The following ZFP64 variants were observed in gnomAD, a reference collection of about 807,000 sequenced individuals.
ZFP64 encodes the protein zinc finger protein 64.
Under a neutral mutation model 51.6 loss-of-function variants are expected in ZFP64, and 14 were observed. The ratio of observed to expected loss-of-function variants is 0.27; its 90% confidence interval spans 0.18 to 0.42. The LOEUF (loss-of-function observed/expected upper bound fraction) is 0.42, where lower values mean the gene tolerates loss of function less well. ZFP64 is among the 10% of genes least tolerant of loss of function. The pLI, the probability that ZFP64 is intolerant of heterozygous loss-of-function variation, is 1.00. For synonymous variants in ZFP64, 375 were observed against 361.4 expected (o/e 1.04, Z -0.43); for missense variants, 754 against 906.8 (o/e 0.83, Z 2.16).
intron 5 of ZFP64, chr20:52,104,720 C>T: frequency 2.1e-6 from 1 of 486,176 alleles, no homozygotes; most frequent in South Asian, 1.5e-5. Context: ...TGAGGCCTTC[C>T]CTGGACAACG....
At position 52,087,481 on chromosome 20, in the gene ZFP64, T is replaced by C. The variant is rs142264295; in HGVS notation, c.1228+911A>G. On this transcript the variant is annotated intron_variant, in intron 8 of 8. Transcript: ENST00000361387. ...TGGATGCAACATTTCTGCCAGTGGG[T>C]AGACACCAATTAGAATGTGAAAATT... Among the ~76,000 whole-genome samples the C allele has an allele frequency of 5.5e-3, 835 of 152,368 alleles. 8 individuals carry two copies. The highest frequency in any genetic ancestry group is 0.019 in the African/African-American group (789 of 41,582).
chr20:52,157,526 G>C (rs1981414530), intron 5 of ZFP64, among the ~76,000 whole-genome samples: 1 of 152,148 alleles, frequency 6.6e-6, no homozygotes, highest in African/African-American at 2.4e-5. Context: ...CCAATGGGCA[G>C]GGTTAAGAAC....
chr20:52,147,737 G>C (rs887875716), downstream of ZFP64, among the ~76,000 whole-genome samples: 2 of 152,016 alleles, frequency 1.3e-5, no homozygotes, highest in African/African-American at 4.8e-5. Flanking sequence ...ACACAGGACC[G>C]GGCACCGTGG....
chr20:52,142,424 C>G (rs557478741), intron 5 of ZFP64, among the ~76,000 whole-genome samples: 1 of 106,948 alleles, frequency 9.4e-6, no homozygotes, highest in Non-Finnish European at 2.0e-5. Context: ...ACACAAATTG[C>G]TTAATGGGTA....
chr20:52,174,275 C>T (rs1052901566), intron 2 of ZFP64, among the ~76,000 whole-genome samples: 3 of 150,908 alleles, frequency 2.0e-5, no homozygotes, highest in African/African-American at 2.5e-5. Flanking sequence ...CACCTGAGGT[C>T]GGGAGTTCGA....
intron 2 of ZFP64, among the ~76,000 whole-genome samples, chr20:52,170,820 G>C (rs772254645): frequency 8.5e-5 from 13 of 152,188 alleles, no homozygotes; most frequent in Non-Finnish European, 1.3e-4. Context: ...GTGACTCAGA[G>C]ACAAAAATCC....
chr20:52,144,601 A>AAAAAAAAAAAAAAAAAAAAAG (rs1980430806), intron 5 of ZFP64, among the ~76,000 whole-genome samples: 1 of 148,788 alleles, frequency 6.7e-6, no homozygotes, highest in Non-Finnish European at 1.5e-5. Flanking sequence ...AAAAAAAAAA[A>AAAAAAAAAAAAAAAAAAAAAG]ATGCTGAAAG....
chr20:52,124,975 G>A (rs891048793), intron 5 of ZFP64, among the ~76,000 whole-genome samples: 8 of 152,138 alleles, frequency 5.3e-5, no homozygotes, highest in African/African-American at 1.9e-4. Context: ...ACATGCAGCT[G>A]TCAGAGGGAA....
At chr20:52,091,559 C>G (rs1308243104) in intron 7 of ZFP64, among the ~76,000 whole-genome samples, 1 of 152,104 alleles carries the variant, frequency 6.6e-6, no homozygotes, top group East Asian at 1.9e-4. Flanking sequence ...AAAAGTCAAA[C>G]TTTTATGAGT....
At chr20:52,188,308 C>CTTTTTTTTTTT (rs1164512289) in intron 1 of ZFP64, among the ~76,000 whole-genome samples, 98 of 104,224 alleles carry the variant, frequency 9.4e-4, no homozygotes, top group Non-Finnish European at 1.4e-3. Context: ...CTTTTTCTTT[C>CTTTTTTTTTTT]TTTTTTTTTT....
At chr20:52,090,167 C>G (rs1291538456) in intron 7 of ZFP64, among the ~76,000 whole-genome samples, 1 of 152,112 alleles carries the variant, frequency 6.6e-6, no homozygotes, top group Non-Finnish European at 1.5e-5. Context: ...CAGGGTGGTC[C>G]AATTTCAGAA....
intron 5 of ZFP64, among the ~76,000 whole-genome samples, chr20:52,101,443 C>T (rs76287132): frequency 0.012 from 1,787 of 152,298 alleles, 19 homozygotes; most frequent in Middle Eastern, 0.031. Flanking sequence ...CAACATGGCT[C>T]ACTGCAAACT....
chr20:52,093,821 G>A (rs1041753926), intron 7 of ZFP64, among the ~76,000 whole-genome samples: 1 of 152,188 alleles, frequency 6.6e-6, no homozygotes, highest in Non-Finnish European at 1.5e-5. Flanking sequence ...GGTCTACGGT[G>A]CAGCTTGGGT....
chr20:52,093,169 C>T (rs1007415333), intron 7 of ZFP64, among the ~76,000 whole-genome samples: 1 of 151,986 alleles, frequency 6.6e-6, no homozygotes, highest in East Asian at 1.9e-4. Context: ...TAGACAGAGC[C>T]TCACTCTGTC....
rs1978541953 is a variant in ZFP64, at chr20:52,111,083, G to A, written c.764-12496C>T. 3 of 1,062,328 alleles carry A rather than the reference G, an allele frequency of 2.8e-6. 1 individual carries two copies. The South Asian group carries it at 4.0e-5, about 14-fold the overall frequency. The allele number at this position is 1,062,328 out of a possible 1,614,324, so 65.8% of individuals were successfully genotyped here. On this transcript the variant is annotated intron_variant, in intron 5 of 8. Transcript: ENST00000361387. ...GAGAGGAGCAGGAAGCCCAGGAGAA[G>A]GGGAAGCGGCAGGGAGAGAGACGCG...
At position 52,153,285 on chromosome 20, in the gene ZFP64, T is replaced by G. The variant is rs748679636; in HGVS notation, c.907A>C (p.Lys303Gln). 1 of 1,614,190 alleles carries G rather than the reference T, an allele frequency of 6.2e-7. No individual in the cohort carries two copies. The highest frequency in any genetic ancestry group is 1.1e-5 in the South Asian group (1 of 91,088). ...CTGTGCTTGATACGGATGTGCGACT[T>G]GAGGTTCCCCTTCATGGTGCAGCGG... Reference protein sequence around the residue: ...NVRCTMKGNLKSHIRIKHSGN... With the variant: ...NVRCTMKGNLQSHIRIKHSGN... The change falls in exon 6 of 6, where the codon AAG (lysine) becomes CAG (glutamine). Residue 303 changes from lysine to glutamine, a missense_variant. Lys to Gln is a moderately conservative substitution (Grantham distance 53). Transcript: ENST00000216923. The surrounding 1 kb of genome is among the most constrained non-coding windows in gnomAD (Gnocchi z 5.1).
chr20:52,186,699 A>G (rs1983989628), intron 2 of ZFP64, 133 bp downstream of exon 2: 1 of 1,279,392 alleles, frequency 7.8e-7, no homozygotes, highest in Non-Finnish European at 1.0e-6. Context: ...TTCCTGGTGG[A>G]GCTTGTTAAA....
At chr20:52,104,786 C>T (rs752062818) in intron 5 of ZFP64, 1 of 585,560 alleles carries the variant, frequency 1.7e-6, no homozygotes, top group Non-Finnish European at 3.3e-6. Flanking sequence ...CAGCCGAAGC[C>T]CAGTGCCAAG....
chr20:52,092,335 T>C (rs1242270624), intron 7 of ZFP64, among the ~76,000 whole-genome samples: 1 of 152,128 alleles, frequency 6.6e-6, no homozygotes, highest in African/African-American at 2.4e-5. Flanking sequence ...TCTTCTCCAG[T>C]TGTAACAATC....
Sources: allele counts gnomAD v4.1 joint callset (sites outside exome capture counted in the v4.1 genomes callset), GRCh38; gene constraint gnomAD v4.1.1; non-coding constraint Gnocchi (gnomAD v3.1); transcripts MANE v1.5; gene names NCBI Gene and HGNC (gene_info 2026-07-23, HGNC 2026-07-21).